Variants in ZDHHC21 observed in about 807,000 individuals in gnomAD.
The protein encoded by ZDHHC21 is zDHHC palmitoyltransferase 21.
A neutral mutation model predicts 34.6 loss-of-function variants in ZDHHC21; 15 were observed. The observed-to-expected ratio is 0.43, with a 90% CI of 0.29 to 0.67. The LOEUF is 0.67. Among genes scored for constraint, ZDHHC21 ranks in the 30% least tolerant of loss-of-function variants. ZDHHC21 has a pLI of 0.14. For missense variants in ZDHHC21, 344 were observed against 327.7 expected, an observed-to-expected ratio of 1.05 and a Z score of -0.38; for synonymous variants, 142 against 101.8, an observed-to-expected ratio of 1.40 and a Z score of -2.38.
intron 8 of ZDHHC21, among the ~76,000 whole-genome samples, chr9:14,622,189 A>C (rs927640047): frequency 1.3e-5 from 2 of 152,066 alleles, no homozygotes; most frequent in Non-Finnish European, 2.9e-5. Flanking sequence ...CATGACCAAG[A>C]GATATATGAG....
intron 2 of ZDHHC21, among the ~76,000 whole-genome samples, chr9:14,684,599 A>G (rs555498702): frequency 0.012 from 1,836 of 151,998 alleles, 25 homozygotes; most frequent in Non-Finnish European, 0.016. Context: ...GGTAGGAAGA[A>G]TCAATATCAT....
At chr9:14,686,832 G>A (rs530031646) in intron 2 of ZDHHC21, among the ~76,000 whole-genome samples, 1 of 150,406 alleles carries the variant, frequency 6.6e-6, no homozygotes, top group South Asian at 2.1e-4. Flanking sequence ...AATAAGCTGG[G>A]CGTGGTGGTG....
intron 7 of ZDHHC21, 119 bp from the exon 8 acceptor site, chr9:14,640,131 T>A (rs1829066978): frequency 1.9e-6 from 1 of 538,804 alleles, no homozygotes; most frequent in African/African-American, 1.9e-5. Context: ...AAGAACTACC[T>A]CTCCCTCTTT....
At chr9:14,599,957 C>A in the ZDHHC21 span, among the ~76,000 whole-genome samples, 1 of 152,122 alleles carries the variant, frequency 6.6e-6, no homozygotes, top group Non-Finnish European at 1.5e-5. Flanking sequence ...TTTCAATACC[C>A]CTTCATGCTA....
intron 5 of ZDHHC21, among the ~76,000 whole-genome samples, 183 bp downstream of exon 5, chr9:14,672,647 G>A (rs558384136): frequency 3.9e-5 from 6 of 152,134 alleles, no homozygotes; most frequent in East Asian, 3.9e-4. Flanking sequence ...TGAAACTGCC[G>A]GGGTGCAGGG....
At chr9:14,660,772 A>G (rs1833244406) in intron 6 of ZDHHC21, among the ~76,000 whole-genome samples, 2 of 152,202 alleles carry the variant, frequency 1.3e-5, no homozygotes, top group Admixed American at 1.3e-4. Context: ...TTTGGTCACC[A>G]ATAAGTGAGT....
chr9:14,692,360 C>A (rs1225528382), intron 1 of ZDHHC21, among the ~76,000 whole-genome samples: 1 of 152,146 alleles, frequency 6.6e-6, no homozygotes, highest in African/African-American at 2.4e-5. Flanking sequence ...TTTAACACAT[C>A]TTTTTAAATT....
intron 8 of ZDHHC21, among the ~76,000 whole-genome samples, chr9:14,626,578 C>G (rs562326042): frequency 1.3e-5 from 2 of 151,820 alleles, no homozygotes; most frequent in Non-Finnish European, 2.9e-5. Flanking sequence ...TATGCTTTTA[C>G]ATAGGAACAT....
rs545448597 is a variant in ZDHHC21, at chr9:14,629,626, T to C, written c.622-9944A>G. Among the ~76,000 whole-genome samples the C allele has an allele frequency of 2.0e-5, 3 of 152,290 alleles. No homozygotes were observed. The East Asian group carries it at 5.8e-4, about 29-fold the overall frequency. On this transcript the variant is annotated intron_variant, in intron 8 of 9. Coordinates refer to ENST00000380916, the MANE Select transcript of ZDHHC21 (RefSeq NM_178566.6). Reference sequence around the variant, plus strand: ...CCTACCTTAAATTAAAAATTATTTATTGATAAAAAATGCTAATGATCATTT... The same window carrying C: ...CCTACCTTAAATTAAAAATTATTTACTGATAAAAAATGCTAATGATCATTT...
intron 2 of ZDHHC21, 150 bp from the exon 3 acceptor site, chr9:14,680,312 A>G (rs1587436237): frequency 6.6e-6 from 1 of 152,200 alleles, no homozygotes; most frequent in African/African-American, 2.4e-5. Context: ...GTGCTTTCAT[A>G]TCCCACCCAT....
At chr9:14,658,464 C>CTTTTT (rs769819264) in intron 7 of ZDHHC21, among the ~76,000 whole-genome samples, 1,001 of 65,390 alleles carry the variant, frequency 0.015, 353 homozygotes, top group South Asian at 0.034. Flanking sequence ...ATAAACATTT[C>CTTTTT]TTTTTTTTTT....
chr9:14,644,394 G>A (rs1024474099), intron 7 of ZDHHC21, among the ~76,000 whole-genome samples: 2 of 152,022 alleles, frequency 1.3e-5, no homozygotes, highest in Non-Finnish European at 1.5e-5. Context: ...ATTTCTAGTA[G>A]TATATTTAAG....
At chr9:14,687,519 C>T (rs1243985809) in intron 2 of ZDHHC21, among the ~76,000 whole-genome samples, 1 of 150,460 alleles carries the variant, frequency 6.6e-6, no homozygotes, top group Admixed American at 6.6e-5. Context: ...AAAAATACAA[C>T]AATTAGCCAG....
chr9:14,605,602 A>T, the ZDHHC21 span, among the ~76,000 whole-genome samples: 1 of 152,118 alleles, frequency 6.6e-6, no homozygotes, highest in Admixed American at 6.6e-5. Context: ...CTTAGCAAAT[A>T]TGTGGTTTGA....
intron 9 of ZDHHC21, 28 bp from the exon 10 acceptor site, chr9:14,619,126 G>C (rs745655093): frequency 5.7e-6 from 9 of 1,580,808 alleles, no homozygotes; most frequent in Non-Finnish European, 6.0e-6. Context: ...ATTAGTGAAA[G>C]ACAGCACTCC....
intron 5 of ZDHHC21, among the ~76,000 whole-genome samples, chr9:14,670,031 A>G (rs1835173485): frequency 6.6e-6 from 1 of 151,916 alleles, no homozygotes; most frequent in African/African-American, 2.4e-5. Context: ...AAAAAAAAAC[A>G]AAACAAACAA....
intron 7 of ZDHHC21, among the ~76,000 whole-genome samples, chr9:14,654,357 C>A (rs1386714294): frequency 2.0e-5 from 3 of 151,092 alleles, no homozygotes; most frequent in Non-Finnish European, 4.4e-5. Flanking sequence ...GTTATACAAA[C>A]CCCTGATTGG....
rs1396632188 is a variant in ZDHHC21, at chr9:14,693,318, C to G, written c.-314G>C. 2.4e-6 allele frequency: 1 copy of G among 417,276 alleles called. No individual in the cohort carries two copies. Among genetic ancestry groups the G allele is most frequent in the Non-Finnish European group, 4.7e-6 (1 of 211,632 alleles). The allele number at this position is 417,276 out of a possible 1,614,324, so 25.8% of individuals were successfully genotyped here. A position where few individuals can be genotyped will look rare whatever the true frequency, so the allele number is the denominator to read the frequency against. ...TCCTGCCGCGCCACCTCCGCCTCCTCCGGCGCCGCCGCCCAGGCCGGGCCG... is the reference window on the plus strand; with the variant it reads ...TCCTGCCGCGCCACCTCCGCCTCCTGCGGCGCCGCCGCCCAGGCCGGGCCG... On this transcript the variant is annotated 5_prime_UTR_variant, in exon 1 of 10. Transcript: ENST00000380916.
chr9:14,682,043 T>C (rs955979913), intron 2 of ZDHHC21, among the ~76,000 whole-genome samples: 7 of 151,978 alleles, frequency 4.6e-5, no homozygotes, highest in African/African-American at 1.7e-4. Flanking sequence ...GAAGGAAGCA[T>C]TAAACATGGA....
Sources: gnomAD v4.1 joint callset for allele counts (sites outside exome capture counted in the v4.1 genomes callset) on GRCh38, gnomAD v4.1.1 for gene constraint, MANE v1.5 for transcripts, NCBI Gene and HGNC (gene_info 2026-07-23, HGNC 2026-07-21) for gene names.